FIRRM: variants seen among roughly 807,000 people sequenced by gnomAD.
FIRRM encodes FIGNL1 interacting regulator of recombination and mitosis.
At chr1:169,807,359 T>C in the FIRRM span, among the ~76,000 whole-genome samples, 1 of 152,228 alleles carries the variant, frequency 6.6e-6, no homozygotes, top group Non-Finnish European at 1.5e-5. Flanking sequence ...ATTGATATCC[T>C]TACCCTAAGA....
chr1:169,790,583 A>C, the FIRRM span, among the ~76,000 whole-genome samples: 6 of 152,018 alleles, frequency 3.9e-5, no homozygotes, highest in Non-Finnish European at 8.8e-5. Context: ...CTGGGAAATG[A>C]GATTGTGTCC....
chr1:169,826,659 C>T, the FIRRM span, among the ~76,000 whole-genome samples: 99 of 152,140 alleles, frequency 6.5e-4, 1 homozygote, highest in East Asian at 0.013. Flanking sequence ...CACCACGCTC[C>T]GCCCAAAAAC....
At chr1:169,834,123 T>C in the FIRRM span, among the ~76,000 whole-genome samples, 2 of 152,148 alleles carry the variant, frequency 1.3e-5, no homozygotes, top group Non-Finnish European at 2.9e-5. Context: ...CTAGAAGCAG[T>C]GTTCTAAATT....
chr1:169,821,858 C>A, the FIRRM span: 2 of 717,644 alleles, frequency 2.8e-6, no homozygotes, highest in South Asian at 2.2e-5. Context: ...GCTCAGATAG[C>A]ATATAACTTG....
At chr1:169,795,817 C>T in the FIRRM span, 648 of 979,814 alleles carry the variant, frequency 6.6e-4, no homozygotes, top group South Asian at 1.3e-3. Context: ...AGTTCTCACT[C>T]CTCTCACCCA....
the FIRRM span, among the ~76,000 whole-genome samples, chr1:169,841,459 G>C: frequency 0.067 from 10,128 of 152,242 alleles, 433 homozygotes; most frequent in Non-Finnish European, 0.099. Context: ...GTGTGGTTGT[G>C]TAAGTATAAT....
chr1:169,847,264 G>A, the FIRRM span, among the ~76,000 whole-genome samples: 1 of 138,756 alleles, frequency 7.2e-6, no homozygotes, highest in African/African-American at 2.7e-5. Context: ...TTGCAGAAAT[G>A]GTACAGGTAG....
chr1:169,793,577 T>A, the FIRRM span: 2 of 1,614,212 alleles, frequency 1.2e-6, no homozygotes, highest in South Asian at 1.1e-5. Context: ...CTCTTCTCCT[T>A]TTTGACTTTC....
the FIRRM span, among the ~76,000 whole-genome samples, chr1:169,810,687 A>T: frequency 1.3e-5 from 2 of 152,048 alleles, no homozygotes; most frequent in African/African-American, 4.8e-5. Context: ...TAGAACTTAA[A>T]GCTTTTTGGG....
At chr1:169,850,413 G>A in the FIRRM span, 1 of 1,052,656 alleles carries the variant, frequency 9.5e-7, no homozygotes, top group Non-Finnish European at 1.4e-6. Flanking sequence ...TTATGTAACT[G>A]TAACCAACCT....
At chr1:169,801,141 G>A in the FIRRM span, among the ~76,000 whole-genome samples, 1 of 151,878 alleles carries the variant, frequency 6.6e-6, no homozygotes, top group East Asian at 1.9e-4. Flanking sequence ...GTGATCATTA[G>A]GCAGTTAAAA....
the FIRRM span, among the ~76,000 whole-genome samples, chr1:169,816,897 G>A: frequency 8.5e-5 from 13 of 152,116 alleles, no homozygotes; most frequent in African/African-American, 2.9e-4. Context: ...GAAAACATTC[G>A]TATTGCACTT....
the FIRRM span, among the ~76,000 whole-genome samples, chr1:169,788,999 T>A: frequency 2.9e-4 from 44 of 152,310 alleles, no homozygotes; most frequent in African/African-American, 1.1e-3. Flanking sequence ...GTACTGTGGC[T>A]TCCCCCAACC....
chr1:169,806,171 C>A, the FIRRM span: 1 of 767,844 alleles, frequency 1.3e-6, no homozygotes, highest in Non-Finnish European at 2.1e-6. Context: ...CTTTAGATTG[C>A]ATTTAAAACA....
At chr1:169,789,732 G>A in the FIRRM span, among the ~76,000 whole-genome samples, 2 of 152,176 alleles carry the variant, frequency 1.3e-5, no homozygotes, top group Non-Finnish European at 2.9e-5. Flanking sequence ...TGGGCAGAGC[G>A]AGGTTTAGAA....
the FIRRM span, among the ~76,000 whole-genome samples, chr1:169,787,549 C>A: frequency 1.3e-5 from 2 of 152,256 alleles, no homozygotes; most frequent in South Asian, 4.2e-4. Context: ...CCTTGCTCCT[C>A]GGCTATAAAT....
chr1:169,798,173 T>G, the FIRRM span, among the ~76,000 whole-genome samples: 1 of 152,098 alleles, frequency 6.6e-6, no homozygotes, highest in Non-Finnish European at 1.5e-5. Flanking sequence ...CCCAGCTCCT[T>G]GAGAGGCTGG....
At chr1:169,798,410 G>T in the FIRRM span, among the ~76,000 whole-genome samples, 20 of 152,028 alleles carry the variant, frequency 1.3e-4, no homozygotes, top group African/African-American at 4.8e-4. Flanking sequence ...TGGGATTACA[G>T]GTGTGCGCCA....
chr1:169,818,869 T>C, the FIRRM span, among the ~76,000 whole-genome samples: 1 of 152,172 alleles, frequency 6.6e-6, no homozygotes, highest in African/African-American at 2.4e-5. Context: ...GTGTTTTTAG[T>C]AGAGACAGGG....
Sources: gnomAD v4.1 joint callset for allele counts (sites outside exome capture counted in the v4.1 genomes callset) on GRCh38, gnomAD v4.1.1 for gene constraint, MANE v1.5 for transcripts, NCBI Gene and HGNC (gene_info 2026-07-23, HGNC 2026-07-21) for gene names.